TMEM272: variants seen among roughly 807,000 people sequenced by gnomAD.
TMEM272 encodes the protein transmembrane protein 272.
A neutral mutation model predicts 3.7 loss-of-function variants in TMEM272; 8 were observed. That is an observed-to-expected ratio of 2.17 (90% CI 1.27 to 3.91). TMEM272 has a LOEUF of 3.91. Ranked by LOEUF, TMEM272 falls within the 30% of genes most tolerant of loss-of-function variation. The pLI is 0.00. For synonymous variants in TMEM272, 63 were observed against 39.8 expected, an observed-to-expected ratio of 1.58 and a Z score of -2.20; for missense variants, 166 against 91.5, an observed-to-expected ratio of 1.81 and a Z score of -3.32.
At chr13:51,829,754 G>C (rs1174605656) in intron 2 of TMEM272, among the ~76,000 whole-genome samples, 1 of 152,150 alleles carries the variant, frequency 6.6e-6, no homozygotes, top group Non-Finnish European at 1.5e-5. Flanking sequence ...AGTCCCCAAG[G>C]AGGCACCTGC....
At chr13:51,865,738 T>TC in the TMEM272 span, 1 of 1,613,996 alleles carries the variant, frequency 6.2e-7, no homozygotes, top group Non-Finnish European at 8.5e-7. Flanking sequence ...AAGAGAAAAC[T>TC]TTCTGGAAAA....
At chr13:51,835,410 TAG>T (rs1470838642) in intron 2 of TMEM272, among the ~76,000 whole-genome samples, 13 of 152,034 alleles carry the variant, frequency 8.6e-5, no homozygotes, top group African/African-American at 2.9e-4. Flanking sequence ...GTATTTTTGC[TAG>T]AGACGGGGTT....
At chr13:51,915,085 C>A in the TMEM272 span, among the ~76,000 whole-genome samples, 3 of 152,072 alleles carry the variant, frequency 2.0e-5, no homozygotes, top group African/African-American at 4.8e-5. Flanking sequence ...TGGAAAGTAC[C>A]GCAAAAACAG....
the TMEM272 span, among the ~76,000 whole-genome samples, chr13:51,907,366 C>T: frequency 6.6e-6 from 1 of 152,142 alleles, no homozygotes; most frequent in Non-Finnish European, 1.5e-5. Flanking sequence ...AGACAGTAAA[C>T]AACTTGCCCT....
At chr13:51,841,073 AG>A (rs1180012374) in intron 1 of TMEM272, among the ~76,000 whole-genome samples, 13 of 152,348 alleles carry the variant, frequency 8.5e-5, no homozygotes, top group Middle Eastern at 3.4e-3. Flanking sequence ...GTGTCACAGA[AG>A]CTAAGCCACT....
chr13:51,894,907 C>T, the TMEM272 span, among the ~76,000 whole-genome samples: 717 of 151,872 alleles, frequency 4.7e-3, 5 homozygotes, highest in Admixed American at 7.6e-3. Context: ...CTAGATGGTC[C>T]CATCTGGGGG....
chr13:51,876,203 C>A, the TMEM272 span, among the ~76,000 whole-genome samples: 4 of 152,194 alleles, frequency 2.6e-5, no homozygotes, highest in Non-Finnish European at 5.9e-5. Context: ...TCTGGAACAT[C>A]TTCCACAAAC....
the TMEM272 span, among the ~76,000 whole-genome samples, chr13:51,914,139 G>T: frequency 6.6e-6 from 1 of 152,244 alleles, no homozygotes; most frequent in African/African-American, 2.4e-5. Context: ...AGTACATGCT[G>T]CAGGAAGAAG....
At chr13:51,919,904 C>T in the TMEM272 span, among the ~76,000 whole-genome samples, 1 of 152,108 alleles carries the variant, frequency 6.6e-6, no homozygotes, top group African/African-American at 2.4e-5. Flanking sequence ...ATTAATGCAT[C>T]ATGCCTAGCT....
chr13:51,931,213 A>T, the TMEM272 span, among the ~76,000 whole-genome samples: 1 of 152,100 alleles, frequency 6.6e-6, no homozygotes, highest in Non-Finnish European at 1.5e-5. Context: ...AACCAACGCA[A>T]ATGCCCATCA....
rs1203805476 is a variant in TMEM272 at position 51,816,962 on chromosome 13, C to CAGAGGA, written c.347_352dup (p.Phe116_Leu117dup). The CAGAGGA allele has an allele frequency of 3.6e-5, 25 of 703,066 alleles. No homozygotes were observed. The highest frequency in any genetic ancestry group is 8.0e-5 in the Admixed American group (4 of 50,018). The allele number at this position is 703,066 out of a possible 1,614,324, so 43.6% of individuals were successfully genotyped here. ...GACCCAGTAGTTTCCCAGGATGAAC[C>CAGAGGA]AGAGGAAGAGGAAGAGGCTCAGCAG... On this transcript the variant is annotated inframe_insertion, in exon 5 of 5. Coordinates refer to ENST00000629372, the MANE Select transcript of TMEM272 (RefSeq NM_001351003.2).
the TMEM272 span, among the ~76,000 whole-genome samples, chr13:51,863,770 C>A: frequency 1.3e-5 from 2 of 151,788 alleles, no homozygotes; most frequent in African/African-American, 2.4e-5. Context: ...TGGAAAAATA[C>A]AGAGAAAGCC....
chr13:51,920,863 T>C, the TMEM272 span, among the ~76,000 whole-genome samples: 1 of 152,234 alleles, frequency 6.6e-6, no homozygotes, highest in Non-Finnish European at 1.5e-5. Flanking sequence ...GACAGTCACC[T>C]AATGAGTATT....
upstream of TMEM272, among the ~76,000 whole-genome samples, chr13:51,845,484 GA>G (rs1213927061): frequency 4.6e-5 from 7 of 152,202 alleles, no homozygotes; most frequent in Middle Eastern, 3.2e-3. Context: ...GGCTGCTTAG[GA>G]AAGAGTGTGA....
At chr13:51,866,077 G>T in the TMEM272 span, 3 of 1,568,578 alleles carry the variant, frequency 1.9e-6, no homozygotes, top group African/African-American at 2.7e-5. Context: ...GAGGCAGGGC[G>T]TAGCCAGCAT....
At chr13:51,925,077 T>C in the TMEM272 span, among the ~76,000 whole-genome samples, 1 of 152,318 alleles carries the variant, frequency 6.6e-6, no homozygotes, top group East Asian at 1.9e-4. Context: ...CTGGCATTAC[T>C]AGACATTACT....
At chr13:51,926,025 G>A in the TMEM272 span, among the ~76,000 whole-genome samples, 2 of 152,020 alleles carry the variant, frequency 1.3e-5, no homozygotes, top group African/African-American at 4.8e-5. Context: ...ATGTATGTGA[G>A]GTGCATGTGG....
At chr13:51,867,362 T>C in the TMEM272 span, among the ~76,000 whole-genome samples, 1 of 152,232 alleles carries the variant, frequency 6.6e-6, no homozygotes, top group Non-Finnish European at 1.5e-5. Flanking sequence ...GTCTGTCTCT[T>C]GGTATTGTGG....
Position 51,835,938 on chromosome 13 carries a change from T to G in TMEM272, c.58+2535A>C, listed in dbSNP as rs189710317. Among the ~76,000 whole-genome samples, 102 of 152,350 alleles carry G rather than the reference T, an allele frequency of 6.7e-4. 2 individuals are homozygous for G. Among genetic ancestry groups the G allele is most frequent in the Non-Finnish European group, 1.3e-3 (90 of 68,032 alleles). On this transcript the variant is annotated intron_variant, in intron 2 of 4. Coordinates refer to ENST00000629372, the MANE Select transcript of TMEM272 (RefSeq NM_001351003.2). ...TTCTTAAATTTACATTGATACAATA[T>G]TTTAATCTGCCATCCATATTCCAAT...
Sources: gnomAD v4.1 joint callset for allele counts (sites outside exome capture counted in the v4.1 genomes callset) on GRCh38, gnomAD v4.1.1 for gene constraint, MANE v1.5 for transcripts, NCBI Gene and HGNC (gene_info 2026-07-23, HGNC 2026-07-21) for gene names.